The following INSR variants were observed in gnomAD, a reference collection of about 807,000 sequenced individuals.
INSR encodes IR.
INSR carries 67 observed loss-of-function variants against 142.6 expected under a neutral mutation model. The ratio of observed to expected loss-of-function variants is 0.47; its 90% CI spans 0.39 to 0.58. The LOEUF (loss-of-function observed/expected upper bound fraction) is 0.58, where lower values mean the gene tolerates loss of function less well. INSR is among the 20% of genes least tolerant of loss of function. The probability of loss-of-function intolerance (pLI) is 0.00; values close to 1 mark genes in which losing one functional copy is unlikely to be tolerated. For synonymous variants in INSR, 756 were observed against 743.1 expected (o/e 1.02, Z -0.28); for missense variants, 1,248 against 1,833.2 (o/e 0.68, Z 5.83).
intron 1 of INSR, among the ~76,000 whole-genome samples, chr19:7,282,801 G>A (rs548016866): frequency 4.0e-5 from 6 of 150,708 alleles, no homozygotes; most frequent in African/African-American, 1.2e-4. Context: ...GTGAAACCCC[G>A]TCTCTACTAA....
intron 2 of INSR, among the ~76,000 whole-genome samples, chr19:7,202,159 G>A (rs1235768496): frequency 2.0e-5 from 3 of 152,126 alleles, no homozygotes; most frequent in Non-Finnish European, 2.9e-5. Context: ...TGGCTCGTGC[G>A]ACTGAGAAAA....
At chr19:7,211,237 T>TG (rs1284977393) in intron 2 of INSR, among the ~76,000 whole-genome samples, 2 of 152,160 alleles carry the variant, frequency 1.3e-5, no homozygotes, top group Non-Finnish European at 2.9e-5. Context: ...CAGCTAATTT[T>TG]TATATTTGTA....
chr19:7,277,590 G>C (rs1968098633), intron 1 of INSR, among the ~76,000 whole-genome samples: 1 of 152,066 alleles, frequency 6.6e-6, no homozygotes, highest in Admixed American at 6.6e-5. Context: ...TTGAGTCCGG[G>C]AGTTCAAGAC....
At chr19:7,207,944 A>AG (rs1212774941) in intron 2 of INSR, among the ~76,000 whole-genome samples, 216 of 46,148 alleles carry the variant, frequency 4.7e-3, no homozygotes, top group South Asian at 7.8e-3. Context: ...AAGGAAGGGA[A>AG]GGAGGGAGGG....
At chr19:7,180,526 T>C (rs985595215) in intron 3 of INSR, among the ~76,000 whole-genome samples, 1 of 53,674 alleles carries the variant, frequency 1.9e-5, no homozygotes, top group African/African-American at 1.3e-4. Flanking sequence ...CAAGACCTTG[T>C]CTCAAAAAAA....
chr19:7,286,410 C>G (rs907092136), intron 1 of INSR, among the ~76,000 whole-genome samples: 10 of 151,968 alleles, frequency 6.6e-5, no homozygotes, highest in African/African-American at 2.2e-4. Flanking sequence ...CTTTTTGAGA[C>G]AGGGTCGGGC....
At chr19:7,185,837 C>A (rs1399507313) in intron 2 of INSR, among the ~76,000 whole-genome samples, 1 of 9,314 alleles carries the variant, frequency 1.1e-4, no homozygotes. Flanking sequence ...GTGCAAAATT[C>A]TGTCAAAAAA....
At chr19:7,211,169 C>T (rs554977200) in intron 2 of INSR, among the ~76,000 whole-genome samples, 3 of 152,196 alleles carry the variant, frequency 2.0e-5, no homozygotes, top group Non-Finnish European at 2.9e-5. Flanking sequence ...TGGGCTTAAG[C>T]GATTCTCCCA....
chr19:7,118,158 G>A (rs528554434), intron 21 of INSR, among the ~76,000 whole-genome samples: 1 of 151,698 alleles, frequency 6.6e-6, no homozygotes, highest in South Asian at 2.1e-4. Context: ...CCAGGAGGCT[G>A]AGTCCAGGAG....
At chr19:7,265,356 G>C (rs1268222260) in intron 2 of INSR, among the ~76,000 whole-genome samples, 2 of 152,142 alleles carry the variant, frequency 1.3e-5, no homozygotes, top group Non-Finnish European at 2.9e-5. Flanking sequence ...GAGGCCCCCA[G>C]TTAGCTATTT....
At position 7,168,076 on chromosome 19, in the gene INSR, T is replaced by C. The variant is rs1003042274; in HGVS notation, c.1502A>G (p.Lys501Arg). The C allele has an allele frequency of 1.9e-6, 3 of 1,614,056 alleles. No individual in the cohort carries two copies. The highest frequency in any genetic ancestry group is 2.5e-6 in the Non-Finnish European group (3 of 1,179,968). Reference sequence around the variant, plus strand: ...AAAAGATGTCCGAATGTAAGAAAATTTAAGTAACTCATTTTCACCTGGAAA... The same window carrying C: ...AAAAGATGTCCGAATGTAAGAAAATCTAAGTAACTCATTTTCACCTGGAAA... The part of the protein sequence containing the change: ...DQASCENELL[K>R]FSYIRTSFDK... Residue 501 changes from lysine (K) to arginine (R), a missense_variant, in exon 7 of 22, where the codon AAA becomes AGA. Around this residue, in one of 3 missense-constraint regions of INSR, gnomAD observed 1,069 missense variants for 1,654.0 expected, o/e 0.65. Transcript: ENST00000302850. This position sits in a 1 kb window ranked among gnomAD's most constrained non-coding sequence, Gnocchi z 4.3.
At chr19:7,193,376 G>A (rs112677273) in intron 2 of INSR, among the ~76,000 whole-genome samples, 20 of 152,034 alleles carry the variant, frequency 1.3e-4, no homozygotes, top group African/African-American at 3.9e-4. Context: ...GCTGAGCATG[G>A]TGTCGCGCAC....
At chr19:7,121,161 C>T (rs1157862293) in intron 19 of INSR, among the ~76,000 whole-genome samples, 1 of 152,014 alleles carries the variant, frequency 6.6e-6, no homozygotes, top group East Asian at 1.9e-4. Context: ...CCATGTCTAG[C>T]TAATGTTTTG....
At chr19:7,265,749 A>C (rs1380980301) in intron 2 of INSR, among the ~76,000 whole-genome samples, 1 of 146,392 alleles carries the variant, frequency 6.8e-6, no homozygotes, top group Admixed American at 6.7e-5. Flanking sequence ...AAAAAAAAAA[A>C]AATTAAAATA....
rs1227200864 is a variant in INSR at position 7,117,338 on chromosome 19, C to T, written c.3867G>A (p.Leu1289=). 3.1e-6 allele frequency: 5 copies of T among 1,614,010 alleles called. No homozygotes were observed. The South Asian group carries it at 3.3e-5, about 11-fold the overall frequency. Residue 1289 remains leucine (L), a synonymous_variant, in exon 22 of 22, where the codon CTG becomes CTA. Transcript: ENST00000302850. The stretch of plus-strand genomic sequence containing the variant: ...AGCTGGGGTGCAGGTCGTCCTTGAG[C>T]AGGTTGACAATCTCCAGGAAGGTTG... ...MRPTFLEIVN[L]LKDDLHPSFP...
chr19:7,118,295 T>C (rs1282348262), intron 21 of INSR, among the ~76,000 whole-genome samples: 1 of 151,716 alleles, frequency 6.6e-6, no homozygotes, highest in Admixed American at 6.6e-5. Flanking sequence ...ATATATAATA[T>C]GTATGCCTGA....
At chr19:7,289,686 G>A (rs548705397) in intron 1 of INSR, among the ~76,000 whole-genome samples, 7 of 152,250 alleles carry the variant, frequency 4.6e-5, no homozygotes, top group South Asian at 2.1e-4. Context: ...GATTACAGGC[G>A]TGAGCCACTG....
chr19:7,233,268 A>AC (rs1976046749), intron 2 of INSR, among the ~76,000 whole-genome samples: 1 of 152,286 alleles, frequency 6.6e-6, no homozygotes, highest in East Asian at 1.9e-4. Flanking sequence ...TGCTGGGATT[A>AC]CAGGCGTGAG....
At chr19:7,151,479 G>A (rs1303152486) in intron 10 of INSR, among the ~76,000 whole-genome samples, 1 of 149,392 alleles carries the variant, frequency 6.7e-6, no homozygotes, top group Non-Finnish European at 1.5e-5. Flanking sequence ...TAGAGATAGG[G>A]TCTCACTCTG....
Sources: gnomAD v4.1 joint callset for allele counts (sites outside exome capture counted in the v4.1 genomes callset) on GRCh38, gnomAD v4.1.1 for gene constraint, gnomAD v4.1.1 regional missense constraint, Gnocchi (gnomAD v3.1) non-coding constraint, MANE v1.5 for transcripts, NCBI Gene and HGNC (gene_info 2026-07-23, HGNC 2026-07-21) for gene names.